The following HTT variants were observed in gnomAD, a reference collection of about 807,000 sequenced individuals.
HTT encodes huntington disease protein.
HTT carries 104 observed loss-of-function variants against 362.3 expected under a neutral mutation model. That is an observed-to-expected ratio of 0.29 (90% CI 0.24 to 0.34). The LOEUF is 0.34. Among genes scored for constraint, HTT ranks in the 10% least tolerant of loss-of-function variants. The pLI, the probability that HTT is intolerant of heterozygous loss-of-function variation, is 1.00. For synonymous variants in HTT, 1,577 were observed against 1,548.7 expected (o/e 1.02, Z -0.43); for missense variants, 3,301 against 3,928.6 (o/e 0.84, Z 4.27).
intron 30 of HTT, 31 bp from the exon 31 acceptor site, chr4:3,172,877 C>G (rs747378586): frequency 6.9e-7 from 1 of 1,455,998 alleles, no homozygotes; most frequent in Non-Finnish European, 9.7e-7. Flanking sequence ...GTTCACGCCA[C>G]ATTGTTGATG....
At chr4:3,233,481 T>G in intron 61 of HTT, 128 bp downstream of exon 61, 1 of 906,546 alleles carries the variant, frequency 1.1e-6, no homozygotes, top group Non-Finnish European at 1.7e-6. Flanking sequence ...GGAACCCAGG[T>G]GGGTGCCATG....
At chr4:3,107,019 G>A (rs1714465910) in intron 5 of HTT, among the ~76,000 whole-genome samples, 2 of 152,204 alleles carry the variant, frequency 1.3e-5, no homozygotes, top group Admixed American at 6.5e-5. Context: ...TTAAAAATGA[G>A]TGTTTTAAGA....
rs778645713 is a variant in HTT at position 3,175,127 on chromosome 4, C to T, written c.4407+20C>T. ...GATCAGGTTTGTCACTTTTATCTTTCATCCATCATACCTGTTCCTAATTTA... is the reference window on the plus strand; with the variant it reads ...GATCAGGTTTGTCACTTTTATCTTTTATCCATCATACCTGTTCCTAATTTA... On this transcript the variant is annotated intron_variant, in intron 33 of 66. Transcript: ENST00000355072. The T allele has an allele frequency of 1.2e-6, 2 of 1,602,918 alleles. No homozygotes were observed. The highest frequency in any genetic ancestry group is 1.7e-6 in the Non-Finnish European group (2 of 1,173,624).
intron 10 of HTT, among the ~76,000 whole-genome samples, chr4:3,124,197 G>A (rs916442063): frequency 6.6e-6 from 1 of 152,192 alleles, no homozygotes; most frequent in African/African-American, 2.4e-5. Flanking sequence ...CTTGAATTAG[G>A]AGAGATTTTG....
In HTT at chr4:3,075,230, G is replaced by A. The variant is rs76525526; in HGVS notation, c.263+142G>A. ...AGTGACCCAGCAACCCAGAGCCCATGAGGGACACCCGCCCCCTCCTGGGGC... is the reference window on the plus strand; with the variant it reads ...AGTGACCCAGCAACCCAGAGCCCATAAGGGACACCCGCCCCCTCCTGGGGC... On this transcript the variant is annotated intron_variant, in intron 1 of 66. Coordinates refer to ENST00000355072, the MANE Select transcript of HTT (RefSeq NM_001388492.1). 1.7e-3 allele frequency: 1,396 copies of A among 817,190 alleles called. 18 individuals carry two copies. The African/African-American group carries it at 0.023, about 13-fold the overall frequency. 50.6% of individuals were successfully genotyped at this position (817,190 alleles called of 1,614,324 possible). A position where few individuals can be genotyped will look rare whatever the true frequency, so the allele number is the denominator to read the frequency against.
At chr4:3,094,576 G>A (rs1208928197) in intron 2 of HTT, among the ~76,000 whole-genome samples, 39 of 147,320 alleles carry the variant, frequency 2.6e-4, no homozygotes, top group African/African-American at 8.4e-4. Flanking sequence ...GCGGGTGGCC[G>A]GGCGGGGGCT....
chr4:3,169,512 C>G (rs1213508511), intron 29 of HTT, among the ~76,000 whole-genome samples: 1 of 149,750 alleles, frequency 6.7e-6, no homozygotes, highest in Non-Finnish European at 1.5e-5. Context: ...GTTCTCTGAT[C>G]TTTTCTTCTA....
chr4:3,222,264 G>C (rs1720708467), intron 53 of HTT, 123 bp from the exon 54 acceptor site: 1 of 693,508 alleles, frequency 1.4e-6, no homozygotes, highest in Non-Finnish European at 2.5e-6. Context: ...TGAGGTTTAA[G>C]GGACTCACTG....
chr4:3,190,640 G>A (rs2110251768), intron 40 of HTT, among the ~76,000 whole-genome samples: 1 of 152,194 alleles, frequency 6.6e-6, no homozygotes, highest in Non-Finnish European at 1.5e-5. Flanking sequence ...AAGCTGTAGT[G>A]AGCCATGATC....
chr4:3,184,118 G>A (rs1376850233), intron 37 of HTT, among the ~76,000 whole-genome samples: 1 of 152,020 alleles, frequency 6.6e-6, no homozygotes. Context: ...GTCTGCGGTG[G>A]GAGTGGCATT....
At position 3,208,904 on chromosome 4, in the gene HTT, C is replaced by T. The variant is rs953500912; in HGVS notation, c.6284C>T (p.Pro2095Leu). The T allele has an allele frequency of 1.1e-5, 18 of 1,610,400 alleles. No individual in the cohort carries two copies. Among genetic ancestry groups the T allele is most frequent in the African/African-American group, 2.7e-5 (2 of 74,778 alleles). ...DGHVSLETVS[P>L]DKDWYVHLVK... ...CACGTGTCACTGGAAACAGTGAGTC[C>T]GGACAAAGTAAGTGTCCAGCGTGTC... The change falls in exon 46 of 67, where the codon CCG (proline) becomes CTG (leucine). Residue 2095 changes from proline to leucine, a missense_variant. Transcript: ENST00000355072.
chr4:3,083,178 C>T (rs1713006527), intron 1 of HTT, among the ~76,000 whole-genome samples: 1 of 151,970 alleles, frequency 6.6e-6, no homozygotes, highest in Admixed American at 6.6e-5. Context: ...GTCTTGTGCA[C>T]CAAGATAAGC....
intron 40 of HTT, among the ~76,000 whole-genome samples, chr4:3,198,826 C>G (rs1022285643): frequency 2.0e-5 from 3 of 152,190 alleles, no homozygotes; most frequent in Non-Finnish European, 4.4e-5. Context: ...GGAGGCTGAC[C>G]GCTTGGCCTG....
intron 26 of HTT, among the ~76,000 whole-genome samples, 196 bp from the exon 27 acceptor site, chr4:3,154,097 A>G (rs922301345): frequency 2.0e-5 from 3 of 152,152 alleles, no homozygotes; most frequent in African/African-American, 4.8e-5. Context: ...CCTACCATGT[A>G]TCATTGTGTG....
intron 26 of HTT, among the ~76,000 whole-genome samples, chr4:3,151,204 T>A (rs1716871395): frequency 6.6e-6 from 1 of 152,054 alleles, no homozygotes; most frequent in Admixed American, 6.5e-5. Flanking sequence ...ACCTGAGACA[T>A]ATAAAGAAAA....
chr4:3,138,978 A>G (rs1044215021), intron 21 of HTT, among the ~76,000 whole-genome samples: 6 of 152,214 alleles, frequency 3.9e-5, no homozygotes, highest in Non-Finnish European at 7.4e-5. Flanking sequence ...ACAGAATTTA[A>G]GGAAAATATA....
At position 3,235,408 on chromosome 4, in the gene HTT, C is replaced by G; in HGVS notation, c.8571+10C>G. On this transcript the variant is annotated intron_variant, in intron 62 of 66. Transcript: ENST00000355072. ...AGCATCAATAATACAGGTGAGTGGGCCCTGGCTGTCTTCCTCTGCACACGG... is the reference window on the plus strand; with the variant it reads ...AGCATCAATAATACAGGTGAGTGGGGCCTGGCTGTCTTCCTCTGCACACGG... 3.2e-6 allele frequency: 5 copies of G among 1,565,634 alleles called. No homozygotes were observed. Among genetic ancestry groups the G allele is most frequent in the Non-Finnish European group, 4.4e-6 (5 of 1,135,744 alleles).
In HTT at chr4:3,136,212, CCTT is replaced by C; in HGVS notation, c.2698-11_2698-9del. 6.5e-7 allele frequency: 1 copy of C among 1,531,282 alleles called. No individual in the cohort carries two copies. The highest frequency in any genetic ancestry group is 1.2e-5 in the South Asian group (1 of 86,516). The allele number at this position is 1,531,282 out of a possible 1,614,324, so 94.9% of individuals were successfully genotyped here. The stretch of plus-strand genomic sequence containing the variant: ...ACAAGATTATGTTTATTTTTATTAT[CCTT>C]CTCTCTAAAGCTTTTAAAACTGCAA... On this transcript the variant is annotated splice_polypyrimidine_tract_variant and intron_variant, in intron 20 of 66. Transcript: ENST00000355072.
intron 59 of HTT, among the ~76,000 whole-genome samples, chr4:3,229,427 A>AT (rs1248597652): frequency 7.1e-6 from 1 of 140,690 alleles, no homozygotes; most frequent in African/African-American, 2.8e-5. Flanking sequence ...CACAGCACAC[A>AT]ACCACACACA....
Sources: allele counts gnomAD v4.1 joint callset (sites outside exome capture counted in the v4.1 genomes callset), GRCh38; gene constraint gnomAD v4.1.1; transcripts MANE v1.5; gene names NCBI Gene and HGNC (gene_info 2026-07-23, HGNC 2026-07-21).